Variants in UTS2B observed in about 807,000 individuals in gnomAD.
UTS2B encodes the protein urotensin-2B.
In UTS2B, 21 loss-of-function variants were observed where a neutral mutation model predicts 19.2. That is an observed-to-expected ratio of 1.09 (90% CI 0.78 to 1.58). UTS2B has a LOEUF of 1.58. Among genes scored for constraint, UTS2B ranks in the 40% most tolerant of loss-of-function variants. UTS2B has a pLI of 0.00. For synonymous variants in UTS2B, 57 were observed against 50.2 expected, an observed-to-expected ratio of 1.14 and a Z score of -0.58; for missense variants, 138 against 130.3, an observed-to-expected ratio of 1.06 and a Z score of -0.29.
chr3:191,280,060 T>C (rs1716343187), intron 5 of UTS2B, among the ~76,000 whole-genome samples: 1 of 152,060 alleles, frequency 6.6e-6, no homozygotes, highest in Non-Finnish European at 1.5e-5. Flanking sequence ...TTTTTGCAAA[T>C]ATTACACAGA....
intron 3 of UTS2B, among the ~76,000 whole-genome samples, chr3:191,314,479 C>G (rs1038427688): frequency 2.0e-5 from 3 of 152,180 alleles, no homozygotes; most frequent in African/African-American, 7.2e-5. Context: ...TGTTACTCTT[C>G]TCTCATGGGT....
At chr3:191,317,419 C>T (rs1012720922) in intron 2 of UTS2B, among the ~76,000 whole-genome samples, 3 of 152,202 alleles carry the variant, frequency 2.0e-5, no homozygotes, top group Admixed American at 6.5e-5. Flanking sequence ...GAGCTGGCTC[C>T]GGCCTTGGCC....
At chr3:191,319,719 T>G (rs1717563872) in intron 2 of UTS2B, among the ~76,000 whole-genome samples, 1 of 119,318 alleles carries the variant, frequency 8.4e-6, no homozygotes, top group South Asian at 2.9e-4. Flanking sequence ...AAAAAAAAAA[T>G]TAGCCAGGTG....
At chr3:191,317,800 G>A (rs1440762045) in intron 2 of UTS2B, among the ~76,000 whole-genome samples, 4 of 152,094 alleles carry the variant, frequency 2.6e-5, no homozygotes, top group Non-Finnish European at 4.4e-5. Context: ...GACTGGTCTC[G>A]AACTCCTGAC....
chr3:191,296,037 T>G (rs961376286), intron 4 of UTS2B, among the ~76,000 whole-genome samples: 4 of 152,204 alleles, frequency 2.6e-5, no homozygotes, highest in Non-Finnish European at 4.4e-5. Context: ...CCTTCAACTG[T>G]TTTCCATTAC....
Position 191,278,839 on chromosome 3 carries a change from C to A in UTS2B, c.104-669G>T, listed in dbSNP as rs146645438. 5.4e-3 allele frequency among the ~76,000 whole-genome samples: 826 copies of A among 152,096 alleles called. 10 individuals are homozygous for A. Among genetic ancestry groups the A allele is most frequent in the African/African-American group, 0.018 (757 of 41,554 alleles). On this transcript the variant is annotated intron_variant, in intron 5 of 8. Coordinates refer to ENST00000340524, the MANE Select transcript of UTS2B (RefSeq NM_198152.5). ...TAAAACATGAAGATTCAAAAAAAATCCATTGACAATTCAATTGAAATAATA... is the reference window on the plus strand; with the variant it reads ...TAAAACATGAAGATTCAAAAAAAATACATTGACAATTCAATTGAAATAATA...
upstream of UTS2B, among the ~76,000 whole-genome samples, chr3:191,334,925 TGAACTGTAG>T (rs1718093335): frequency 6.6e-6 from 1 of 152,146 alleles, no homozygotes; most frequent in South Asian, 2.1e-4. Context: ...AATTACTGAG[TGAACTGTAG>T]GAAGTCACAC....
chr3:191,306,641 G>C (rs995419430), intron 3 of UTS2B, among the ~76,000 whole-genome samples: 7 of 152,110 alleles, frequency 4.6e-5, no homozygotes, highest in Non-Finnish European at 8.8e-5. Context: ...ATTTTGTTTT[G>C]TTTTGTTTTG....
At chr3:191,309,187 G>A (rs1245542922) in intron 3 of UTS2B, among the ~76,000 whole-genome samples, 1 of 151,994 alleles carries the variant, frequency 6.6e-6, no homozygotes, top group Non-Finnish European at 1.5e-5. Flanking sequence ...TTTTTAAAAC[G>A]GAGTCTCGCT....
At chr3:191,291,419 T>C (rs368050006) in intron 4 of UTS2B, among the ~76,000 whole-genome samples, 1 of 151,948 alleles carries the variant, frequency 6.6e-6, no homozygotes, top group East Asian at 1.9e-4. Context: ...TATCTAAGAG[T>C]TCTATAGTGA....
chr3:191,332,390 A>C (rs1718019955), upstream of UTS2B, among the ~76,000 whole-genome samples: 1 of 152,234 alleles, frequency 6.6e-6, no homozygotes, highest in African/African-American at 2.4e-5. Flanking sequence ...ATGTAGGTGA[A>C]AAGAATCAAG....
At chr3:191,268,701 G>C (rs983484857) in intron 8 of UTS2B, among the ~76,000 whole-genome samples, 1 of 152,166 alleles carries the variant, frequency 6.6e-6, no homozygotes, top group Non-Finnish European at 1.5e-5. Context: ...GTACAAACTA[G>C]AGAATGTTCC....
chr3:191,309,622 G>A lies in UTS2B; in HGVS notation c.-181-5074C>T, dbSNP rs113967839. Among the ~76,000 whole-genome samples, 857 of 152,264 alleles carry A rather than the reference G, an allele frequency of 5.6e-3. 4 individuals carry two copies. Among genetic ancestry groups the A allele is most frequent in the Middle Eastern group, 0.014 (4 of 294 alleles). On this transcript the variant is annotated intron_variant, in intron 3 of 8. Transcript: ENST00000340524. The stretch of plus-strand genomic sequence containing the variant: ...CCCATTGTTGGAGGTGGGGTCTGGT[G>A]GGAGGTAATTGGATCACAGGGGCAG...
In UTS2B at chr3:191,285,664, G is replaced by A. The variant is rs555489441; in HGVS notation, c.-124-3351C>T. Among the ~76,000 whole-genome samples the A allele has an allele frequency of 2.0e-5, 3 of 152,296 alleles. No individual in the cohort carries two copies. In the East Asian group the frequency reaches 5.8e-4, roughly 29 times the overall value. On this transcript the variant is annotated intron_variant, in intron 4 of 8. Transcript: ENST00000340524. ...CGCCTGTAATCTCAGCACTTTGGGA[G>A]GCTGAGGTGGGTGGATCACAAGGAC...
Position 191,268,192 on chromosome 3 carries a change from A to G in UTS2B, c.*224T>C, listed in dbSNP as rs1186337908. 1 of 367,222 alleles carries G rather than the reference A, an allele frequency of 2.7e-6. No individual in the cohort carries two copies. Among genetic ancestry groups the G allele is most frequent in the Non-Finnish European group, 5.1e-6 (1 of 195,182 alleles). 22.7% of individuals were successfully genotyped at this position (367,222 alleles called of 1,614,324 possible). ...AACCTCCCTGACTGCACGTCCATTC[A>G]TAGGCTCTCTACAGGGGGAAGCAAG... On this transcript the variant is annotated 3_prime_UTR_variant, in exon 9 of 9. Transcript: ENST00000340524.
At chr3:191,276,898 T>G in intron 6 of UTS2B, 54 bp from the exon 7 acceptor site, 1 of 1,525,850 alleles carries the variant, frequency 6.6e-7, no homozygotes, top group Non-Finnish European at 9.0e-7. Flanking sequence ...AATATTTAAT[T>G]TGCTTCAGTA....
intron 4 of UTS2B, among the ~76,000 whole-genome samples, chr3:191,289,206 G>A (rs973900059): frequency 1.9e-4 from 29 of 151,924 alleles, no homozygotes; most frequent in African/African-American, 6.3e-4. Flanking sequence ...TCAGGAGATC[G>A]AGACCATCCT....
intron 3 of UTS2B, among the ~76,000 whole-genome samples, chr3:191,309,896 A>G (rs1272780617): frequency 6.6e-6 from 1 of 152,010 alleles, no homozygotes; most frequent in Non-Finnish European, 1.5e-5. Context: ...TGAGCCAATT[A>G]AACCTCTTTT....
At chr3:191,303,113 C>G (rs934847307) in intron 4 of UTS2B, among the ~76,000 whole-genome samples, 1 of 152,226 alleles carries the variant, frequency 6.6e-6, no homozygotes, top group Non-Finnish European at 1.5e-5. Context: ...TTCTTCCCTT[C>G]AGCACCCCAT....
Sources: allele counts gnomAD v4.1 joint callset (sites outside exome capture counted in the v4.1 genomes callset), GRCh38; gene constraint gnomAD v4.1.1; transcripts MANE v1.5; gene names NCBI Gene and HGNC (gene_info 2026-07-23, HGNC 2026-07-21).